The following PACS2 variants were observed in gnomAD, a reference collection of about 807,000 sequenced individuals.
The protein encoded by PACS2 is PACS1-like protein.
Under a neutral mutation model 113.0 loss-of-function variants are expected in PACS2, and 36 were observed. The observed-to-expected ratio is 0.32, with a 90% CI of 0.24 to 0.42. The LOEUF (loss-of-function observed/expected upper bound fraction) is 0.42. Among genes scored for constraint, PACS2 ranks in the 10% least tolerant of loss-of-function variants. The probability of loss-of-function intolerance (pLI) is 1.00; values close to 1 mark genes in which losing one functional copy is unlikely to be tolerated. For missense variants in PACS2, 1,015 were observed against 1,239.5 expected (o/e 0.82, Z 2.72); for synonymous variants, 589 against 536.1 (o/e 1.10, Z -1.36).
intron 7 of PACS2, 44 bp downstream of exon 7, chr14:105,368,583 C>A: frequency 6.7e-7 from 1 of 1,485,992 alleles, no homozygotes; most frequent in Non-Finnish European, 9.4e-7. Context: ...AGGCGAGGGT[C>A]GGGGAGGACG....
rs941141670 is a variant in PACS2 at position 105,331,567 on chromosome 14, A to G, written c.119+16530A>G. On this transcript the variant is annotated intron_variant, in intron 1 of 24. Coordinates refer to ENST00000447393, the MANE Select transcript of PACS2 (RefSeq NM_001100913.3). ...AAAGTGCTGGGATTAACAGGCACGA[A>G]CCATTGTGCCTGGCCTGAGTTTTAT... 3.9e-5 allele frequency among the ~76,000 whole-genome samples: 6 copies of G among 152,282 alleles called. No homozygotes were observed. In the South Asian group the frequency reaches 1.0e-3, roughly 26 times the overall value.
chr14:105,323,516 T>C lies in PACS2; in HGVS notation c.119+8479T>C, dbSNP rs1241281354. On this transcript the variant is annotated intron_variant, in intron 1 of 24. Transcript: ENST00000447393. This position sits in a 1 kb window ranked among gnomAD's most constrained non-coding sequence, Gnocchi z 4.1. Reference sequence around the variant, plus strand: ...CCAGAGCCTGCACAGTGTAGCTCCTTGGCGGACGTTCCTGTAATGGAACCA... The same window carrying C: ...CCAGAGCCTGCACAGTGTAGCTCCTCGGCGGACGTTCCTGTAATGGAACCA... Among the ~76,000 whole-genome samples the C allele has an allele frequency of 6.6e-6, 1 of 152,270 alleles. No homozygotes were observed. The highest frequency in any genetic ancestry group is 1.5e-5 in the Non-Finnish European group (1 of 68,048).
At chr14:105,387,917 A>T (rs1476841281) in intron 19 of PACS2, among the ~76,000 whole-genome samples, 1 of 152,160 alleles carries the variant, frequency 6.6e-6, no homozygotes, top group Non-Finnish European at 1.5e-5. Context: ...ACAGATTTCC[A>T]AACACTGGTC....
Position 105,383,525 on chromosome 14 carries a change from G to T in PACS2, c.1780+12G>T. On this transcript the variant is annotated intron_variant, in intron 16 of 24. Transcript: ENST00000447393. ...GGTCATCCCACTGGGTGAGCACCAC[G>T]CCGTCCACCTGGGCCTGGGCACAGA... is the stretch of plus-strand genomic sequence containing the variant. The T allele has an allele frequency of 6.4e-7, 1 of 1,574,224 alleles. No individual in the cohort carries two copies.
rs1268486136 is a variant in PACS2, at chr14:105,396,447, C to T, written c.*1775C>T. The T allele has an allele frequency of 1.3e-5, 2 of 152,476 alleles. No homozygotes were observed. Among genetic ancestry groups the T allele is most frequent in the Non-Finnish European group, 2.9e-5 (2 of 68,262 alleles). 9.4% of individuals were successfully genotyped at this position (152,476 alleles called of 1,614,324 possible). A position where few individuals can be genotyped will look rare whatever the true frequency, so the allele number is the denominator to read the frequency against. Reference sequence around the variant, plus strand: ...GACCCTGACTGACTCGTTCAGCTGCCCCCAAGCTGGGCTGCAGAGCATCTG... The same window carrying T: ...GACCCTGACTGACTCGTTCAGCTGCTCCCAAGCTGGGCTGCAGAGCATCTG... On this transcript the variant is annotated 3_prime_UTR_variant, in exon 25 of 25. Coordinates refer to ENST00000447393, the MANE Select transcript of PACS2 (RefSeq NM_001100913.3).
At chr14:105,392,552 G>A (rs1595192304) in intron 22 of PACS2, 67 bp from the exon 23 acceptor site, 1 of 1,389,312 alleles carries the variant, frequency 7.2e-7, no homozygotes, top group East Asian at 2.5e-5. Context: ...CCTGTCACAG[G>A]GACAGTGATG....
rs1163128036 is a variant in PACS2, at chr14:105,394,251, G to C, written c.2597-303G>C. ...AGGTGGAAGTGGATGTGGACGAGCA[G>C]CGCCTGGCGGAAGGTGGTGGGGTCT... is the stretch of plus-strand genomic sequence containing the variant. On this transcript the variant is annotated intron_variant, in intron 24 of 24. Coordinates refer to ENST00000447393, the MANE Select transcript of PACS2 (RefSeq NM_001100913.3). The C allele has an allele frequency of 1.0e-5, 10 of 985,176 alleles. No individual in the cohort carries two copies. The African/African-American group carries it at 1.6e-4, about 16-fold the overall frequency. The allele number at this position is 985,176 out of a possible 1,614,324, so 61.0% of individuals were successfully genotyped here. A position where few individuals can be genotyped will look rare whatever the true frequency, so the allele number is the denominator to read the frequency against.
At chr14:105,391,393 CG>C (rs1249330502) in intron 21 of PACS2, 144 bp downstream of exon 21, 3 of 705,802 alleles carry the variant, frequency 4.3e-6, no homozygotes, top group African/African-American at 1.8e-5. Context: ...TTCTGTCCTG[CG>C]GGGGGTTCAT....
rs587680869 is a variant in PACS2, at chr14:105,348,688, C to T, written c.207+108C>T. 5.0e-4 allele frequency: 422 copies of T among 837,216 alleles called. 1 individual carries two copies. The highest frequency in any genetic ancestry group is 6.0e-4 in the Non-Finnish European group (303 of 501,082). The allele number at this position is 837,216 out of a possible 1,614,324, so 51.9% of individuals were successfully genotyped here. ...ACTGTGGGGCCTTGTGCCAAAACAG[C>T]GGGCAGCCCATGCCATCTCCGGGAG... is the stretch of plus-strand genomic sequence containing the variant. On this transcript the variant is annotated intron_variant, in intron 2 of 24. Coordinates refer to ENST00000447393, the MANE Select transcript of PACS2 (RefSeq NM_001100913.3). This position sits in a 1 kb window ranked among gnomAD's most constrained non-coding sequence, Gnocchi z 6.4.
chr14:105,378,692 C>T (rs1261357620), intron 9 of PACS2, among the ~76,000 whole-genome samples: 1 of 152,272 alleles, frequency 6.6e-6, no homozygotes, highest in Non-Finnish European at 1.5e-5. Flanking sequence ...AGGTGTGAGC[C>T]AGTGCACCTG....
At chr14:105,353,215 T>G (rs587678354) in intron 3 of PACS2, among the ~76,000 whole-genome samples, 2 of 80,248 alleles carry the variant, frequency 2.5e-5, no homozygotes, top group Admixed American at 1.5e-4. Flanking sequence ...CCTGGGGTGA[T>G]GGGCACCCCC....
intron 1 of PACS2, among the ~76,000 whole-genome samples, chr14:105,342,287 A>G (rs1197900745): frequency 2.0e-5 from 3 of 151,672 alleles, no homozygotes; most frequent in Non-Finnish European, 4.4e-5. Flanking sequence ...TGTGAGAGAG[A>G]GAGAGACAGG....
chr14:105,383,785 C>G lies in PACS2; in HGVS notation c.1780+272C>G, dbSNP rs963642824. ...ACAGCCATTTGGGTCAAGATAAAGC[C>G]ATCGCCCTCTGAAGGGGCCTGAGCT... On this transcript the variant is annotated intron_variant, in intron 16 of 24. Coordinates refer to ENST00000447393, the MANE Select transcript of PACS2 (RefSeq NM_001100913.3). The G allele has an allele frequency of 7.3e-5, 33 of 453,324 alleles. 3 individuals are homozygous for G. The South Asian group carries it at 9.7e-4, about 13-fold the overall frequency. 28.1% of individuals were successfully genotyped at this position (453,324 alleles called of 1,614,324 possible).
Position 105,348,413 on chromosome 14 carries a change from GAC to G in PACS2, c.120-76_120-75del, listed in dbSNP as rs2060024352. Reference sequence around the variant, plus strand: ...ACCCCAGGGTGCAGGCTCCCGGGGTGACACAGTGCTGGGACGGCACAGGGCCG... The same window carrying G: ...ACCCCAGGGTGCAGGCTCCCGGGGTGACAGTGCTGGGACGGCACAGGGCCG... On this transcript the variant is annotated intron_variant, in intron 1 of 24. Coordinates refer to ENST00000447393, the MANE Select transcript of PACS2 (RefSeq NM_001100913.3). The surrounding 1 kb of genome is among the most constrained non-coding windows in gnomAD (Gnocchi z 6.4). 2 of 1,120,304 alleles carry G rather than the reference GAC, an allele frequency of 1.8e-6. No individual in the cohort carries two copies. The highest frequency in any genetic ancestry group is 2.4e-5 in the East Asian group (1 of 42,190). The allele number at this position is 1,120,304 out of a possible 1,614,324, so 69.4% of individuals were successfully genotyped here.
rs782523364 is a variant in PACS2, at chr14:105,394,683, CA to C, written c.*12del. On this transcript the variant is annotated 3_prime_UTR_variant, in exon 25 of 25. Coordinates refer to ENST00000447393, the MANE Select transcript of PACS2 (RefSeq NM_001100913.3). ...AAGGCCACCTTCTAGCCCCACCCAC[CA>C]GGGGGCCCACCTCCTGCCCCATGCT... The C allele has an allele frequency of 4.8e-4, 739 of 1,553,484 alleles. No homozygotes were observed. Among genetic ancestry groups the C allele is most frequent in the Non-Finnish European group, 6.2e-4 (694 of 1,125,384 alleles).
intron 2 of PACS2, 88 bp from the exon 3 acceptor site, chr14:105,352,290 T>G: frequency 1.2e-6 from 1 of 843,658 alleles, no homozygotes; most frequent in Non-Finnish European, 2.0e-6. Flanking sequence ...ATCCTGCCAG[T>G]TTTAGAGTGC....
intron 1 of PACS2, among the ~76,000 whole-genome samples, chr14:105,308,020 C>T (rs2058239886): frequency 6.6e-6 from 1 of 151,656 alleles, no homozygotes. Context: ...CCTGTCTCTA[C>T]AAAAAATTTA....
chr14:105,383,380 C>T lies in PACS2; in HGVS notation c.1647C>T (p.Pro549=), dbSNP rs1566963205. Residue 549 remains proline (P), a synonymous_variant, in exon 16 of 25, where the codon CCC becomes CCT. Transcript: ENST00000447393. Reference sequence around the variant, plus strand: ...GCAGCTGCAACTGCAATTCCCAGCCCCCGACCCCCGTGAAGATCGCCGTGG... The same window carrying T: ...GCAGCTGCAACTGCAATTCCCAGCCTCCGACCCCCGTGAAGATCGCCGTGG... ...IQRYCNCNSQ[P]PTPVKIAVAG... 1 of 1,608,408 alleles carries T rather than the reference C, an allele frequency of 6.2e-7. No homozygotes were observed. The highest frequency in any genetic ancestry group is 8.5e-7 in the Non-Finnish European group (1 of 1,179,970).
Position 105,380,114 on chromosome 14 carries a change from G to T in PACS2, c.1085G>T (p.Gly362Val). Residue 362 changes from glycine (G) to valine (V), a missense_variant, in exon 11 of 25, where the codon GGC becomes GTC. Around this residue, in one of 3 missense-constraint regions of PACS2, gnomAD observed 859 missense variants for 1,056.8 expected, o/e 0.81. Coordinates refer to ENST00000447393, the MANE Select transcript of PACS2 (RefSeq NM_001100913.3). ...DVPEKTRSLG[G>V]RQPSDSVSDT... ...CCCGAGAAGACGCGGTCCCTGGGAG[G>T]CAGGCAGCCGAGCGACAGTGTCTCT... 6.4e-7 allele frequency: 1 copy of T among 1,553,130 alleles called. No individual in the cohort carries two copies. Among genetic ancestry groups the T allele is most frequent in the Non-Finnish European group, 8.7e-7 (1 of 1,148,134 alleles).
Sources: allele counts gnomAD v4.1 joint callset (sites outside exome capture counted in the v4.1 genomes callset), GRCh38; gene constraint gnomAD v4.1.1; regional missense constraint gnomAD v4.1.1; non-coding constraint Gnocchi (gnomAD v3.1); transcripts MANE v1.5; gene names NCBI Gene and HGNC (gene_info 2026-07-23, HGNC 2026-07-21).